The following NTNG1 variants were observed in gnomAD, a reference collection of about 807,000 sequenced individuals.
The protein encoded by NTNG1 is netrin G1.
A neutral mutation model predicts 54.0 loss-of-function variants in NTNG1; 16 were observed. That is an observed-to-expected ratio of 0.30 (90% CI 0.20 to 0.45). NTNG1 has a LOEUF of 0.45. Ranked by LOEUF, NTNG1 falls within the 20% of genes least tolerant of loss-of-function variation. NTNG1 has a pLI of 1.00. For synonymous variants in NTNG1, 255 were observed against 263.1 expected (o/e 0.97, Z 0.30); for missense variants, 530 against 678.7 (o/e 0.78, Z 2.43).
intron 2 of NTNG1, among the ~76,000 whole-genome samples, chr1:107,151,491 A>T (rs754989228): frequency 1.9e-4 from 29 of 152,138 alleles, no homozygotes; most frequent in Admixed American, 2.0e-4. Context: ...GAGCTGCCAC[A>T]TGAGTACAGC....
At chr1:107,425,189 A>T (rs1041429552) in intron 5 of NTNG1, among the ~76,000 whole-genome samples, 25 of 151,622 alleles carry the variant, frequency 1.6e-4, no homozygotes, top group African/African-American at 4.6e-4. Flanking sequence ...AGTTGAATTA[A>T]AAAAAAAAAT....
At chr1:107,357,276 G>A (rs1338271664) in intron 3 of NTNG1, among the ~76,000 whole-genome samples, 1 of 152,094 alleles carries the variant, frequency 6.6e-6, no homozygotes, top group African/African-American at 2.4e-5. Context: ...ATTGAGCCAT[G>A]ATCTCAATTA....
intron 2 of NTNG1, among the ~76,000 whole-genome samples, chr1:107,237,617 C>T (rs1661499247): frequency 6.6e-6 from 1 of 152,088 alleles, no homozygotes; most frequent in African/African-American, 2.4e-5. Flanking sequence ...GGCCCAGGGT[C>T]CCTGTGCTAT....
At position 107,324,425 on chromosome 1, in the gene NTNG1, C is replaced by G; in HGVS notation, c.390C>G (p.Leu130=). The part of the protein sequence containing the change: ...SATWKEYPKP[L]QVNITLSWSK... ...CTTGGAAGGAGTATCCCAAGCCTCTCCAGGTTAACATCACTCTGTCTTGGA... is the reference window on the plus strand; with the variant it reads ...CTTGGAAGGAGTATCCCAAGCCTCTGCAGGTTAACATCACTCTGTCTTGGA... The change falls in exon 3 of 8, where the codon CTC becomes CTG. Residue 130 remains leucine, a synonymous_variant. Transcript: ENST00000370068. 1.2e-6 allele frequency: 2 copies of G among 1,613,868 alleles called. No individual in the cohort carries two copies. Among genetic ancestry groups the G allele is most frequent in the Non-Finnish European group, 1.7e-6 (2 of 1,179,862 alleles).
chr1:107,361,065 A>G (rs1230489190), intron 3 of NTNG1, among the ~76,000 whole-genome samples: 2 of 148,844 alleles, frequency 1.3e-5, no homozygotes, highest in East Asian at 3.9e-4. Context: ...TAGCTCCAAA[A>G]AAAAGGCAAA....
At chr1:107,329,828 G>A (rs1420403902) in intron 3 of NTNG1, among the ~76,000 whole-genome samples, 4 of 151,962 alleles carry the variant, frequency 2.6e-5, no homozygotes, top group Non-Finnish European at 4.4e-5. Context: ...GTAGACAGAC[G>A]AAGATGCACC....
At chr1:107,197,670 G>A (rs1307291479) in intron 2 of NTNG1, among the ~76,000 whole-genome samples, 1 of 151,920 alleles carries the variant, frequency 6.6e-6, no homozygotes, top group Non-Finnish European at 1.5e-5. Flanking sequence ...TTTCCCTACA[G>A]TGTTTCCCCT....
chr1:107,433,494 T>C, intron 6 of NTNG1, among the ~76,000 whole-genome samples: 1 of 152,114 alleles, frequency 6.6e-6, no homozygotes, highest in Non-Finnish European at 1.5e-5. Context: ...TGCAGTGAGC[T>C]GAGAGAATAG....
At chr1:107,359,108 T>C (rs1226833209) in intron 3 of NTNG1, among the ~76,000 whole-genome samples, 2 of 152,186 alleles carry the variant, frequency 1.3e-5, no homozygotes, top group Admixed American at 1.3e-4. Context: ...CCAGTAGAGC[T>C]ATAGAGATTT....
intron 3 of NTNG1, among the ~76,000 whole-genome samples, chr1:107,349,133 GA>G (rs1669439580): frequency 1.3e-5 from 2 of 152,000 alleles, no homozygotes; most frequent in Admixed American, 1.3e-4. Context: ...CCTGCTTCAG[GA>G]CCTCTTCATG....
intron 2 of NTNG1, among the ~76,000 whole-genome samples, chr1:107,166,907 T>A (rs1197311926): frequency 1.3e-5 from 2 of 152,138 alleles, no homozygotes; most frequent in Non-Finnish European, 2.9e-5. Context: ...TGTCATTAAG[T>A]ACCATGGGTT....
intron 2 of NTNG1, among the ~76,000 whole-genome samples, chr1:107,300,729 G>A (rs1226919335): frequency 6.6e-6 from 1 of 152,124 alleles, no homozygotes; most frequent in Non-Finnish European, 1.5e-5. Flanking sequence ...TAGTATTTAT[G>A]TCTCCAGAAT....
intron 2 of NTNG1, among the ~76,000 whole-genome samples, chr1:107,246,990 G>A (rs1444701817): frequency 6.6e-6 from 1 of 152,138 alleles, no homozygotes; most frequent in Non-Finnish European, 1.5e-5. Flanking sequence ...CTTTATTGAT[G>A]TGGCTGTCAC....
chr1:107,227,960 C>T (rs1234171306), intron 2 of NTNG1, among the ~76,000 whole-genome samples: 1 of 152,118 alleles, frequency 6.6e-6, no homozygotes, highest in Non-Finnish European at 1.5e-5. Flanking sequence ...AAGAATTGTT[C>T]ACTAATGAAA....
chr1:107,379,896 C>T (rs1279048201), intron 3 of NTNG1, among the ~76,000 whole-genome samples: 2 of 152,122 alleles, frequency 1.3e-5, no homozygotes, highest in African/African-American at 2.4e-5. Flanking sequence ...AAGGAAAGAA[C>T]ATCAATAAAG....
intron 3 of NTNG1, among the ~76,000 whole-genome samples, chr1:107,391,361 G>A (rs1377482500): frequency 6.6e-6 from 1 of 152,082 alleles, no homozygotes; most frequent in Non-Finnish European, 1.5e-5. Context: ...GGGTAGAGAG[G>A]GGCATGCCTG....
chr1:107,324,101 C>T (rs1439199778), intron 2 of NTNG1, among the ~76,000 whole-genome samples, 181 bp from the exon 3 acceptor site: 4 of 151,748 alleles, frequency 2.6e-5, no homozygotes, highest in Admixed American at 2.6e-4. Context: ...AAGAAAATTA[C>T]CATATTGCTT....
intron 3 of NTNG1, among the ~76,000 whole-genome samples, chr1:107,341,590 T>C (rs1288630177): frequency 6.6e-6 from 1 of 152,114 alleles, no homozygotes; most frequent in Non-Finnish European, 1.5e-5. Context: ...ACATTTTGCA[T>C]GGATGGCTCT....
At chr1:107,238,648 A>G (rs959321574) in intron 2 of NTNG1, among the ~76,000 whole-genome samples, 3 of 152,108 alleles carry the variant, frequency 2.0e-5, no homozygotes, top group African/African-American at 7.2e-5. Flanking sequence ...GTCTCATGAA[A>G]TCTGATGGCT....
Sources: allele counts gnomAD v4.1 joint callset (sites outside exome capture counted in the v4.1 genomes callset), GRCh38; gene constraint gnomAD v4.1.1; transcripts MANE v1.5; gene names NCBI Gene and HGNC (gene_info 2026-07-23, HGNC 2026-07-21).